The following WWTR1 variants were observed in gnomAD, a reference collection of about 807,000 sequenced individuals.
WWTR1 encodes the protein WW domain containing transcription regulator 1.
Under a neutral mutation model 40.1 loss-of-function variants are expected in WWTR1, and 13 were observed. That is an observed-to-expected ratio of 0.32 (90% confidence interval 0.21 to 0.52). WWTR1 has a LOEUF of 0.52. WWTR1 is among the 20% of genes least tolerant of loss of function. The pLI is 0.97. For missense variants in WWTR1, 436 were observed against 523.1 expected, an observed-to-expected ratio of 0.83 and a Z score of 1.63; for synonymous variants, 230 against 210.1, an observed-to-expected ratio of 1.09 and a Z score of -0.82.
intron 3 of WWTR1, among the ~76,000 whole-genome samples, chr3:149,566,770 G>A (rs1190302480): frequency 6.8e-6 from 1 of 147,692 alleles, no homozygotes; most frequent in African/African-American, 2.5e-5. Context: ...ACTGAGCACA[G>A]ACAAGATTTT....
intron 2 of WWTR1, among the ~76,000 whole-genome samples, chr3:149,590,197 C>A: frequency 6.6e-6 from 1 of 151,922 alleles, no homozygotes; most frequent in East Asian, 1.9e-4. Context: ...ATGATAGTTA[C>A]AATAATAATT....
intron 1 of WWTR1, chr3:149,670,643 CAAA>C (rs5853435): frequency 9.9e-5 from 10 of 101,132 alleles, no homozygotes; most frequent in Non-Finnish European, 1.5e-4. Context: ...GACTCCGTCT[CAAA>C]AAAAAAAAAA....
intron 3 of WWTR1, among the ~76,000 whole-genome samples, chr3:149,559,425 A>T (rs544359775): frequency 4.6e-5 from 7 of 152,284 alleles, no homozygotes; most frequent in African/African-American, 7.2e-5. Context: ...AGAAAAAAAA[A>T]TATGTAGATA....
At chr3:149,604,104 TGCAAA>T (rs1425908066) in intron 2 of WWTR1, among the ~76,000 whole-genome samples, 2 of 152,252 alleles carry the variant, frequency 1.3e-5, no homozygotes, top group African/African-American at 4.8e-5. Context: ...TTACATAATA[TGCAAA>T]GCATTTTTGC....
chr3:149,673,927 T>C (rs1187471602), intron 1 of WWTR1, among the ~76,000 whole-genome samples: 1 of 151,958 alleles, frequency 6.6e-6, no homozygotes, highest in African/African-American at 2.4e-5. Flanking sequence ...AAATAAAGAA[T>C]TTGGCTGGAT....
At chr3:149,724,499 T>TAAAA (rs11382942) in intron 3 of WWTR1, among the ~76,000 whole-genome samples, 1 of 146,412 alleles carries the variant, frequency 6.8e-6, no homozygotes, top group Non-Finnish European at 1.5e-5. Context: ...CCAGACTCCT[T>TAAAA]AAAAAAAAAA....
chr3:149,669,587 C>A (rs1003081767), intron 2 of WWTR1, among the ~76,000 whole-genome samples: 1 of 152,092 alleles, frequency 6.6e-6, no homozygotes, highest in African/African-American at 2.4e-5. Flanking sequence ...GTAAACTTGC[C>A]CTTCTGAAAA....
intron 2 of WWTR1, among the ~76,000 whole-genome samples, chr3:149,639,495 A>AC (rs1712027890): frequency 6.6e-6 from 1 of 152,190 alleles, no homozygotes; most frequent in African/African-American, 2.4e-5. Context: ...AGTGTGAGCC[A>AC]CGACAACCTA....
At position 149,527,744 on chromosome 3, in the gene WWTR1, C is replaced by G. The variant is rs1054655528; in HGVS notation, c.905+92G>C. 6 of 1,574,500 alleles carry G rather than the reference C, an allele frequency of 3.8e-6. No homozygotes were observed. The African/African-American group carries it at 6.8e-5, about 18-fold the overall frequency. Reference sequence around the variant, plus strand: ...TTCTCACCCTCAACCCTCAAGCTCCCCACCTCTTCCCAATGTAAACAAAGA... The same window carrying G: ...TTCTCACCCTCAACCCTCAAGCTCCGCACCTCTTCCCAATGTAAACAAAGA... On this transcript the variant is annotated intron_variant, in intron 5 of 6. Coordinates refer to ENST00000360632, the MANE Select transcript of WWTR1 (RefSeq NM_015472.6).
At chr3:149,676,633 CAG>C (rs1477137813) in intron 1 of WWTR1, among the ~76,000 whole-genome samples, 1 of 152,110 alleles carries the variant, frequency 6.6e-6, no homozygotes, top group Non-Finnish European at 1.5e-5. Context: ...ATGAGAAAAA[CAG>C]AGGATTAGAG....
At chr3:149,614,800 T>C (rs1739889755) in intron 2 of WWTR1, among the ~76,000 whole-genome samples, 1 of 152,140 alleles carries the variant, frequency 6.6e-6, no homozygotes, top group African/African-American at 2.4e-5. Flanking sequence ...CTGGCCAACA[T>C]GGTGAAACCC....
Position 149,554,066 on chromosome 3 carries a change from A to T in WWTR1, c.569-11529T>A, listed in dbSNP as rs1163194131. On this transcript the variant is annotated intron_variant, in intron 3 of 6. Coordinates refer to ENST00000360632, the MANE Select transcript of WWTR1 (RefSeq NM_015472.6). The stretch of plus-strand genomic sequence containing the variant: ...CATCCAACAAGGTCAGCAAAAAAAA[A>T]GCAGCTTTTCACTTCAGGGTGCATT... Among the ~76,000 whole-genome samples the T allele has an allele frequency of 1.3e-5, 2 of 152,208 alleles. 1 individual carries two copies. The highest frequency in any genetic ancestry group is 4.1e-4 in the South Asian group (2 of 4,828).
chr3:149,656,784 C>CTG (rs1290827291), intron 2 of WWTR1, 92 bp downstream of exon 2: 1 of 1,031,766 alleles, frequency 9.7e-7, no homozygotes. Context: ...CTCTCTCTCT[C>CTG]TCTCTCTCAC....
At chr3:149,722,036 C>T (rs1212864752) in intron 4 of WWTR1, among the ~76,000 whole-genome samples, 1 of 152,130 alleles carries the variant, frequency 6.6e-6, no homozygotes, top group Non-Finnish European at 1.5e-5. Flanking sequence ...AGTACAATTG[C>T]TCTCTTAAAA....
intron 4 of WWTR1, among the ~76,000 whole-genome samples, chr3:149,528,290 G>A (rs1735424513): frequency 6.6e-6 from 1 of 152,140 alleles, no homozygotes; most frequent in Non-Finnish European, 1.5e-5. Flanking sequence ...CAGAGACAAG[G>A]CTTTTTCTAT....
intron 2 of WWTR1, among the ~76,000 whole-genome samples, chr3:149,600,354 A>G (rs1383970472): frequency 6.6e-6 from 1 of 152,212 alleles, no homozygotes; most frequent in African/African-American, 2.4e-5. Flanking sequence ...TAATATATGT[A>G]AAGTGCCTGG....
intron 2 of WWTR1, among the ~76,000 whole-genome samples, chr3:149,655,140 A>G (rs1713132907): frequency 6.8e-6 from 1 of 147,488 alleles, no homozygotes; most frequent in Non-Finnish European, 1.5e-5. Context: ...AGAAAGAAAG[A>G]AAGAAAGAAA....
chr3:149,550,006 A>T (rs1342542210), intron 3 of WWTR1, among the ~76,000 whole-genome samples: 1 of 152,238 alleles, frequency 6.6e-6, no homozygotes, highest in East Asian at 1.9e-4. Flanking sequence ...GTAGCATATT[A>T]ATGTAATACA....
intron 3 of WWTR1, among the ~76,000 whole-genome samples, chr3:149,565,308 T>C (rs893501434): frequency 7.0e-6 from 1 of 141,928 alleles, no homozygotes; most frequent in Non-Finnish European, 1.5e-5. Flanking sequence ...AGCATACTAC[T>C]TTTTTTTTTT....
Sources: allele counts gnomAD v4.1 joint callset (sites outside exome capture counted in the v4.1 genomes callset), GRCh38; gene constraint gnomAD v4.1.1; transcripts MANE v1.5; gene names NCBI Gene and HGNC (gene_info 2026-07-23, HGNC 2026-07-21).